NPL: variants seen among roughly 807,000 people sequenced by gnomAD.
NPL encodes the protein N-acetylneuraminate pyruvate lyase, also known as N-acetylneuraminate lyase.
A neutral mutation model predicts 41.1 loss-of-function variants in NPL; 32 were observed. The ratio of observed to expected loss-of-function variants is 0.78; its 90% CI spans 0.59 to 1.05. The LOEUF (loss-of-function observed/expected upper bound fraction) is 1.05. NPL is among the 50% of genes least tolerant of loss of function. The probability of loss-of-function intolerance (pLI) is 0.00; values close to 1 mark genes in which losing one functional copy is unlikely to be tolerated. For missense variants in NPL, 321 were observed against 378.4 expected (o/e 0.85, Z 1.26); for synonymous variants, 128 against 134.9 (o/e 0.95, Z 0.35).
At chr1:182,808,200 C>T (rs1188605732) in intron 5 of NPL, among the ~76,000 whole-genome samples, 1 of 152,194 alleles carries the variant, frequency 6.6e-6, no homozygotes, top group African/African-American at 2.4e-5. Context: ...AGAAAAGTGC[C>T]TGGCAGGCAC....
intron 7 of NPL, among the ~76,000 whole-genome samples, chr1:182,815,440 A>G (rs1667296744): frequency 6.6e-6 from 1 of 152,214 alleles, no homozygotes. Flanking sequence ...AACAGACATT[A>G]TTTGCCTACA....
At chr1:182,816,906 A>C (rs1244312137) in intron 8 of NPL, 100 bp downstream of exon 8, 4 of 859,826 alleles carry the variant, frequency 4.7e-6, no homozygotes, top group Non-Finnish European at 7.6e-6. Context: ...CCCATGCCCC[A>C]AAAGCACACC....
intron 6 of NPL, among the ~76,000 whole-genome samples, chr1:182,812,798 G>A (rs904110958): frequency 6.6e-6 from 1 of 152,002 alleles, no homozygotes; most frequent in African/African-American, 2.4e-5. Flanking sequence ...GAGATTAGCA[G>A]GTTAAGTGGA....
intron 3 of NPL, among the ~76,000 whole-genome samples, chr1:182,801,465 C>G (rs1666844237): frequency 2.0e-5 from 3 of 152,152 alleles, no homozygotes; most frequent in Non-Finnish European, 4.4e-5. Context: ...CTTCTAGTTT[C>G]ACATACTGGC....
intron 5 of NPL, among the ~76,000 whole-genome samples, chr1:182,807,614 T>C (rs540710701): frequency 1.0e-3 from 153 of 150,704 alleles, no homozygotes; most frequent in Admixed American, 2.9e-3. Flanking sequence ...TGGTGGCTCA[T>C]GCCTGTAATC....
intron 3 of NPL, among the ~76,000 whole-genome samples, chr1:182,797,303 C>T (rs1666702177): frequency 6.6e-6 from 1 of 152,190 alleles, no homozygotes; most frequent in Non-Finnish European, 1.5e-5. Flanking sequence ...CCTTGCTACC[C>T]ATCATATGGC....
chr1:182,815,368 A>T (rs961381083), intron 7 of NPL, among the ~76,000 whole-genome samples: 7 of 152,354 alleles, frequency 4.6e-5, no homozygotes, highest in African/African-American at 1.7e-4. Context: ...GTCTAAGTAT[A>T]CCAAGTCTTT....
intron 8 of NPL, 113 bp downstream of exon 8, chr1:182,816,919 CACTG>C (rs1371383316): frequency 1.3e-6 from 1 of 781,442 alleles, no homozygotes; most frequent in East Asian, 2.7e-5. Flanking sequence ...AGCACACCAC[CACTG>C]ACTGGGCAGT....
Position 182,821,001 on chromosome 1 carries a change from C to T in NPL, c.654-1114C>T, listed in dbSNP as rs1325012505. On this transcript the variant is annotated intron_variant, in intron 10 of 12. Transcript: ENST00000367553. Reference sequence around the variant, plus strand: ...AAGCAAAGTACATTTGGTTAGACTTCGTTTCTCCCTAGTTATAATCACCTT... The same window carrying T: ...AAGCAAAGTACATTTGGTTAGACTTTGTTTCTCCCTAGTTATAATCACCTT... Among the ~76,000 whole-genome samples, 4 of 152,280 alleles carry T rather than the reference C, an allele frequency of 2.6e-5. No homozygotes were observed. In the South Asian group the frequency reaches 6.2e-4, roughly 24 times the overall value.
chr1:182,804,735 AG>A (rs985147922), intron 4 of NPL, among the ~76,000 whole-genome samples: 22 of 152,142 alleles, frequency 1.4e-4, no homozygotes, highest in Non-Finnish European at 2.4e-4. Context: ...GCCCCTCCAG[AG>A]CCAGAGGTAC....
chr1:182,825,819 A>G lies in NPL; in HGVS notation c.777A>G (p.Leu259=), dbSNP rs1329768671. ...IQRFINFVVK[L]GFGVSQTKAI... ...GATTTATCAACTTTGTTGTCAAACT[A>G]GGTAAGTGCCACCCATCTTCTGCTT... The change falls in exon 12 of 13, where the codon CTA becomes CTG. Residue 259 remains leucine, a splice_region_variant and synonymous_variant. Transcript: ENST00000367553. 1 of 1,601,058 alleles carries G rather than the reference A, an allele frequency of 6.2e-7. No homozygotes were observed. Among genetic ancestry groups the G allele is most frequent in the Non-Finnish European group, 8.5e-7 (1 of 1,170,460 alleles).
At chr1:182,809,470 G>A (rs1427908385) in intron 5 of NPL, among the ~76,000 whole-genome samples, 4 of 151,788 alleles carry the variant, frequency 2.6e-5, no homozygotes, top group African/African-American at 9.7e-5. Context: ...TACCCTGGAG[G>A]TGGAGGTTGC....
chr1:182,794,226 G>T (rs1477831614), intron 2 of NPL, 130 bp from the exon 3 acceptor site: 1 of 835,084 alleles, frequency 1.2e-6, no homozygotes, highest in South Asian at 1.3e-5. Flanking sequence ...TTACCATCTT[G>T]TACTTGCTCT....
intron 6 of NPL, among the ~76,000 whole-genome samples, chr1:182,812,540 G>T (rs553307457): frequency 5.5e-4 from 84 of 152,318 alleles, no homozygotes; most frequent in African/African-American, 1.8e-3. Context: ...AGTGCCATCT[G>T]CAGGGCACAG....
intron 10 of NPL, among the ~76,000 whole-genome samples, chr1:182,821,378 GGA>G (rs1667482823): frequency 6.6e-6 from 1 of 152,132 alleles, no homozygotes; most frequent in Non-Finnish European, 1.5e-5. Flanking sequence ...AGGTAGAGTT[GGA>G]GAGTTTTTTA....
At chr1:182,798,417 G>A (rs902716826) in intron 3 of NPL, among the ~76,000 whole-genome samples, 2 of 151,966 alleles carry the variant, frequency 1.3e-5, no homozygotes, top group Non-Finnish European at 2.9e-5. Flanking sequence ...TAGTAGAGAC[G>A]GGGTTTCATC....
At chr1:182,816,904 C>G in intron 8 of NPL, 98 bp downstream of exon 8, 1 of 881,346 alleles carries the variant, frequency 1.1e-6, no homozygotes, top group Non-Finnish European at 1.8e-6. Context: ...ACCCCATGCC[C>G]CAAAAGCACA....
intron 5 of NPL, among the ~76,000 whole-genome samples, chr1:182,807,083 C>T (rs577180127): frequency 1.1e-3 from 170 of 152,238 alleles, no homozygotes; most frequent in African/African-American, 3.8e-3. Flanking sequence ...CGTGATCCAC[C>T]GGTCTTGGCC....
intron 5 of NPL, among the ~76,000 whole-genome samples, chr1:182,810,678 C>G (rs1431370508): frequency 6.6e-6 from 1 of 151,546 alleles, no homozygotes; most frequent in African/African-American, 2.4e-5. Flanking sequence ...TCTTTTTTCT[C>G]TTTTTTTCCT....
Sources: gnomAD v4.1 joint callset for allele counts (sites outside exome capture counted in the v4.1 genomes callset) on GRCh38, gnomAD v4.1.1 for gene constraint, MANE v1.5 for transcripts, NCBI Gene and HGNC (gene_info 2026-07-23, HGNC 2026-07-21) for gene names.